TPGS2: variants seen among roughly 807,000 people sequenced by gnomAD.
TPGS2 encodes the protein tubulin polyglutamylase complex subunit 2.
In TPGS2, 26 loss-of-function variants were observed where a neutral mutation model predicts 31.1. The ratio of observed to expected loss-of-function variants is 0.84; its 90% CI spans 0.61 to 1.16. TPGS2 has a LOEUF of 1.16. TPGS2 is among the 50% of genes most tolerant of loss of function. TPGS2 has a pLI of 0.00. For synonymous variants in TPGS2, 130 were observed against 136.6 expected, an observed-to-expected ratio of 0.95 and a Z score of 0.34; for missense variants, 351 against 363.8, an observed-to-expected ratio of 0.96 and a Z score of 0.29.
intron 1 of TPGS2, 105 bp downstream of exon 1, chr18:36,828,578 C>T: frequency 3.9e-6 from 5 of 1,286,714 alleles, no homozygotes; most frequent in Non-Finnish European, 5.5e-6. Flanking sequence ...GCGATGTCCA[C>T]TCCTGTTCTG....
intron 5 of TPGS2, 128 bp from the exon 6 acceptor site, chr18:36,798,737 A>G (rs2044656639): frequency 2.1e-6 from 3 of 1,416,550 alleles, no homozygotes; most frequent in East Asian, 2.4e-5. Flanking sequence ...ATGTAAAGTA[A>G]AAGTTCCCCT....
At chr18:36,791,384 G>GA (rs1434039901), downstream of TPGS2, among the ~76,000 whole-genome samples, 2 of 152,190 alleles carry the variant, frequency 1.3e-5, no homozygotes, top group African/African-American at 4.8e-5. Flanking sequence ...GTACTGGCAT[G>GA]AAGCACTTCA....
chr18:36,798,674 T>TAA, intron 5 of TPGS2, 65 bp from the exon 6 acceptor site: 1 of 1,565,300 alleles, frequency 6.4e-7, no homozygotes, highest in Non-Finnish European at 8.7e-7. Flanking sequence ...TTTTTAACTG[T>TAA]AAAAGGTTAT....
chr18:36,796,154 C>A lies in TPGS2; in HGVS notation c.*651G>T, dbSNP rs60262053. The stretch of plus-strand genomic sequence containing the variant: ...TGTGGTAAGGGATACAAAGAACATA[C>A]AATTGTGTACTTGAGAGGTTTCATG... On this transcript the variant is annotated 3_prime_UTR_variant, in exon 7 of 7. Coordinates refer to ENST00000334295, the MANE Select transcript of TPGS2 (RefSeq NM_015476.4). The A allele has an allele frequency of 1.2e-5, 12 of 985,230 alleles. No homozygotes were observed. Among genetic ancestry groups the A allele is most frequent in the African/African-American group, 1.7e-5 (1 of 57,214 alleles). The allele number at this position is 985,230 out of a possible 1,614,324, so 61.0% of individuals were successfully genotyped here.
intron 2 of TPGS2, among the ~76,000 whole-genome samples, chr18:36,814,683 C>T (rs2045577250): frequency 6.6e-6 from 1 of 152,160 alleles, no homozygotes; most frequent in Admixed American, 6.5e-5. Context: ...CAAAATGCTT[C>T]CATATCCTTA....
chr18:36,801,532 C>G (rs901454530), intron 4 of TPGS2, among the ~76,000 whole-genome samples: 1 of 152,100 alleles, frequency 6.6e-6, no homozygotes, highest in Non-Finnish European at 1.5e-5. Context: ...TGGAGTTTCG[C>G]TATGTTGCCT....
chr18:36,791,932 G>T (rs2150539390), downstream of TPGS2, among the ~76,000 whole-genome samples: 1 of 151,764 alleles, frequency 6.6e-6, no homozygotes, highest in South Asian at 2.1e-4. Context: ...TGAGAAACAG[G>T]TGGGAGTATT....
intron 4 of TPGS2, among the ~76,000 whole-genome samples, chr18:36,801,729 TC>T: frequency 6.6e-6 from 1 of 151,898 alleles, no homozygotes. Flanking sequence ...ATTTGTCTTT[TC>T]CCTTTGGCTG....
chr18:36,795,140 G>GAGAT lies in TPGS2; in HGVS notation c.*1661_*1664dup, dbSNP rs2150552745. 2.0e-6 allele frequency: 2 copies of GAGAT among 985,414 alleles called. No homozygotes were observed. The highest frequency in any genetic ancestry group is 9.4e-5 in the South Asian group (2 of 21,282). 61.0% of individuals were successfully genotyped at this position (985,414 alleles called of 1,614,324 possible). A position where few individuals can be genotyped will look rare whatever the true frequency, so the allele number is the denominator to read the frequency against. On this transcript the variant is annotated 3_prime_UTR_variant, in exon 7 of 7. Transcript: ENST00000334295. Reference sequence around the variant, plus strand: ...GGGCTATGGAAAGTGGTAGGTGGAGGAGATATCGAAGGCGCTTTCTCATGA... The same window carrying GAGAT: ...GGGCTATGGAAAGTGGTAGGTGGAGGAGATAGATATCGAAGGCGCTTTCTCATGA...
chr18:36,823,460 G>GTTTTTT lies in TPGS2; in HGVS notation c.86-4493_86-4488dup, dbSNP rs919277214. The stretch of plus-strand genomic sequence containing the variant: ...TCTCTGACTTCCTTGTTAACAGCTT[G>GTTTTTT]TTTTTTTTTTTTTTTTTTGAGACGG... On this transcript the variant is annotated intron_variant, in intron 1 of 6. Coordinates refer to ENST00000334295, the MANE Select transcript of TPGS2 (RefSeq NM_015476.4). Among the ~76,000 whole-genome samples, 354 of 108,088 alleles carry GTTTTTT rather than the reference G, an allele frequency of 3.3e-3. 41 individuals carry two copies. Among genetic ancestry groups the GTTTTTT allele is most frequent in the African/African-American group, 0.012 (309 of 26,126 alleles). 70.9% of individuals were successfully genotyped at this position (108,088 alleles called of 152,430 possible). A position where few individuals can be genotyped will look rare whatever the true frequency, so the allele number is the denominator to read the frequency against.
At position 36,796,661 on chromosome 18, in the gene TPGS2, G is replaced by A. The variant is rs140061772; in HGVS notation, c.*144C>T. ...CCTCACTACGAGCCTGGCTAATGTC[G>A]GTGGGACTAAAAGCCTTACAATTTT... On this transcript the variant is annotated 3_prime_UTR_variant, in exon 7 of 7. Transcript: ENST00000334295. 8.1e-5 allele frequency: 115 copies of A among 1,427,510 alleles called. No homozygotes were observed. In the African/African-American group the frequency reaches 1.2e-3, roughly 15 times the overall value. 88.4% of individuals were successfully genotyped at this position (1,427,510 alleles called of 1,614,324 possible).
intron 1 of TPGS2, chr18:36,821,068 T>C (rs1202892555): frequency 1.3e-5 from 2 of 152,220 alleles, no homozygotes; most frequent in Admixed American, 6.5e-5. Context: ...GCACTTCTCA[T>C]TGAGAGGTGA....
At chr18:36,810,315 A>G (rs2045362110) in intron 2 of TPGS2, among the ~76,000 whole-genome samples, 1 of 152,248 alleles carries the variant, frequency 6.6e-6, no homozygotes, top group Non-Finnish European at 1.5e-5. Context: ...TGGAGAGAAA[A>G]GTAAACAACC....
chr18:36,780,201 A>G (rs545521995), downstream of TPGS2: 2 of 1,231,734 alleles, frequency 1.6e-6, no homozygotes, highest in South Asian at 4.1e-5. Flanking sequence ...GTATTTTGTT[A>G]ATAGAGTGAG....
At chr18:36,786,984 T>TGCAGAGAC (rs2044147770) in intron 6 of TPGS2, 14 of 1,234,270 alleles carry the variant, frequency 1.1e-5, no homozygotes, top group Non-Finnish European at 1.2e-5. Context: ...TCCCCATGCC[T>TGCAGAGAC]GCAGAGACAC....
intron 2 of TPGS2, among the ~76,000 whole-genome samples, chr18:36,809,315 TATAG>T (rs760458133): frequency 1.6e-4 from 24 of 152,338 alleles, no homozygotes; most frequent in Non-Finnish European, 1.8e-4. Context: ...CTTCAGGAAC[TATAG>T]ATAAAGAGAA....
At chr18:36,781,835 A>G, downstream of TPGS2, 1 of 985,488 alleles carries the variant, frequency 1.0e-6, no homozygotes, top group Non-Finnish European at 1.2e-6. Context: ...CATTTGTCAA[A>G]TAGTACATGA....
chr18:36,798,252 G>T, intron 6 of TPGS2, 197 bp downstream of exon 6: 2 of 1,399,882 alleles, frequency 1.4e-6, no homozygotes, highest in East Asian at 2.5e-5. Context: ...AGTCAAGTTT[G>T]GGAACCACTT....
chr18:36,812,852 C>T (rs1457343328), intron 2 of TPGS2, among the ~76,000 whole-genome samples: 1 of 152,214 alleles, frequency 6.6e-6, no homozygotes, highest in African/African-American at 2.4e-5. Context: ...CTGGTATTCA[C>T]TGCAGAACTG....
Sources: allele counts gnomAD v4.1 joint callset (sites outside exome capture counted in the v4.1 genomes callset), GRCh38; gene constraint gnomAD v4.1.1; transcripts MANE v1.5; gene names NCBI Gene and HGNC (gene_info 2026-07-23, HGNC 2026-07-21).